The following CD2AP variants were observed in gnomAD, a reference collection of about 807,000 sequenced individuals.
CD2AP encodes CD2 associated protein.
In CD2AP, 46 loss-of-function variants were observed where a neutral mutation model predicts 85.1. That is an observed-to-expected ratio of 0.54 (90% CI 0.43 to 0.69). The LOEUF (loss-of-function observed/expected upper bound fraction) is 0.69. Ranked by LOEUF, CD2AP falls within the 30% of genes least tolerant of loss-of-function variation. The pLI is 0.00. For synonymous variants in CD2AP, 255 were observed against 252.9 expected (o/e 1.01, Z -0.08); for missense variants, 769 against 729.5 (o/e 1.05, Z -0.62).
intron 5 of CD2AP, among the ~76,000 whole-genome samples, chr6:47,564,054 C>T (rs1166042407): frequency 2.0e-5 from 3 of 152,106 alleles, no homozygotes; most frequent in African/African-American, 7.2e-5. Context: ...ACTAGATGTA[C>T]TTTCACTATT....
intron 1 of CD2AP, 116 bp from the exon 2 acceptor site, chr6:47,503,164 C>A: frequency 1.0e-6 from 1 of 995,206 alleles, no homozygotes; most frequent in Admixed American, 2.1e-5. Context: ...TTGCTGATGT[C>A]TTTGTGGTAT....
chr6:47,610,971 A>ATATATATATATATATTTTTTT, intron 16 of CD2AP, among the ~76,000 whole-genome samples: 29 of 112,864 alleles, frequency 2.6e-4, no homozygotes, highest in African/African-American at 9.3e-4. Context: ...ATATATATGT[A>ATATATATATATATATTTTTTT]TTTTTTTTTT....
At chr6:47,610,971 A>ATATATTTTT in intron 16 of CD2AP, among the ~76,000 whole-genome samples, 4 of 112,908 alleles carry the variant, frequency 3.5e-5, no homozygotes, top group African/African-American at 1.4e-4. Flanking sequence ...ATATATATGT[A>ATATATTTTT]TTTTTTTTTT....
intron 1 of CD2AP, among the ~76,000 whole-genome samples, chr6:47,500,867 C>T (rs1186697062): frequency 1.3e-5 from 2 of 152,038 alleles, no homozygotes; most frequent in African/African-American, 4.8e-5. Context: ...CCTGCCTCAG[C>T]CTCCTGAGTA....
Position 47,595,888 on chromosome 6 carries a change from CT to C in CD2AP, c.1138del (p.Ser380LeufsTer23). On this transcript the variant is annotated frameshift_variant, in exon 12 of 18. Transcript: ENST00000359314. LOFTEE classifies it high-confidence loss of function. ...KDEKSTLEQK[P>X]SKPAAPQVPP... is the part of the protein sequence containing the mutation. ...GAAAAATCAACACTGGAACAGAAAC[CT>C]TCTAAACCAGCAGCTCCACAAGTCC... is the stretch of plus-strand genomic sequence containing the variant. 6.2e-7 allele frequency: 1 copy of C among 1,612,480 alleles called. No homozygotes were observed. The highest frequency in any genetic ancestry group is 1.1e-5 in the South Asian group (1 of 90,994).
intron 16 of CD2AP, among the ~76,000 whole-genome samples, chr6:47,611,477 T>C (rs1051877978): frequency 6.6e-6 from 1 of 151,928 alleles, no homozygotes; most frequent in African/African-American, 2.4e-5. Flanking sequence ...AGGTTTTCGC[T>C]TTACTCTTAT....
At chr6:47,583,858 T>C (rs975946516) in intron 11 of CD2AP, among the ~76,000 whole-genome samples, 7 of 152,242 alleles carry the variant, frequency 4.6e-5, no homozygotes, top group Admixed American at 6.5e-5. Flanking sequence ...CCAATGTGGC[T>C]GAACCATTTT....
At chr6:47,575,944 AT>A (rs2114098719) in intron 6 of CD2AP, among the ~76,000 whole-genome samples, 1 of 152,250 alleles carries the variant, frequency 6.6e-6, no homozygotes, top group South Asian at 2.1e-4. Context: ...ACAAATTTGT[AT>A]TATTGTTTGA....
intron 1 of CD2AP, among the ~76,000 whole-genome samples, chr6:47,481,166 T>C (rs1285487372): frequency 6.6e-6 from 1 of 152,202 alleles, no homozygotes; most frequent in Non-Finnish European, 1.5e-5. Context: ...TGGCACAAAG[T>C]GTCAGAGCAT....
At chr6:47,575,010 G>T (rs140527269) in intron 6 of CD2AP, among the ~76,000 whole-genome samples, 24 of 152,160 alleles carry the variant, frequency 1.6e-4, no homozygotes, top group Non-Finnish European at 3.2e-4. Flanking sequence ...TGGTTATTGA[G>T]ATACTATTAA....
At chr6:47,561,024 T>A (rs1032175337) in intron 5 of CD2AP, among the ~76,000 whole-genome samples, 5 of 152,210 alleles carry the variant, frequency 3.3e-5, no homozygotes, top group Admixed American at 2.0e-4. Context: ...GGTTCTGTTT[T>A]ATTCATCAGG....
rs139820758 is a variant in CD2AP at position 47,569,922 on chromosome 6, C to T, written c.542-4142C>T. Reference sequence around the variant, plus strand: ...AGTTTTGATGCCCTTACTGGTAGTACGTTGTGGATCTTTCTAAGTTATTGC... The same window carrying T: ...AGTTTTGATGCCCTTACTGGTAGTATGTTGTGGATCTTTCTAAGTTATTGC... On this transcript the variant is annotated intron_variant, in intron 5 of 17. Transcript: ENST00000359314. 2.9e-3 allele frequency among the ~76,000 whole-genome samples: 439 copies of T among 152,232 alleles called. 3 individuals are homozygous for T. The highest frequency in any genetic ancestry group is 0.01 in the African/African-American group (423 of 41,542).
intron 6 of CD2AP, among the ~76,000 whole-genome samples, 158 bp downstream of exon 6, chr6:47,574,409 A>G (rs1372951399): frequency 6.6e-6 from 1 of 152,068 alleles, no homozygotes; most frequent in East Asian, 1.9e-4. Context: ...TTGTCTCCAA[A>G]TTTACAATGA....
At chr6:47,556,178 G>A (rs536192392) in intron 5 of CD2AP, among the ~76,000 whole-genome samples, 23 of 150,970 alleles carry the variant, frequency 1.5e-4, no homozygotes, top group South Asian at 1.3e-3. Context: ...TCTACATTAG[G>A]TATTTCTCCT....
chr6:47,490,539 GT>G (rs1254788193), intron 1 of CD2AP, among the ~76,000 whole-genome samples: 1 of 151,984 alleles, frequency 6.6e-6, no homozygotes, highest in Non-Finnish European at 1.5e-5. Flanking sequence ...ATTTTTGTAT[GT>G]TTTTTGTTTT....
At chr6:47,529,428 C>A (rs1351377965) in intron 2 of CD2AP, among the ~76,000 whole-genome samples, 1 of 152,112 alleles carries the variant, frequency 6.6e-6, no homozygotes, top group Non-Finnish European at 1.5e-5. Flanking sequence ...GTATCTACAT[C>A]ATTCCCAGTC....
chr6:47,562,453 C>A (rs1452670527), intron 5 of CD2AP, among the ~76,000 whole-genome samples: 1 of 152,074 alleles, frequency 6.6e-6, no homozygotes, highest in South Asian at 2.1e-4. Flanking sequence ...TGGTATAATA[C>A]CAGACTTTTG....
chr6:47,604,600 A>G (rs147537923), intron 13 of CD2AP, among the ~76,000 whole-genome samples: 104 of 152,188 alleles, frequency 6.8e-4, no homozygotes, highest in African/African-American at 2.5e-3. Flanking sequence ...TTGTTAATGC[A>G]CACATCAGTG....
intron 2 of CD2AP, among the ~76,000 whole-genome samples, chr6:47,513,897 G>GC (rs898988704): frequency 4.7e-5 from 7 of 148,180 alleles, no homozygotes; most frequent in Admixed American, 2.0e-4. Context: ...TTTTTTGGGG[G>GC]GGGGGCTAGC....
Sources: allele counts gnomAD v4.1 joint callset (sites outside exome capture counted in the v4.1 genomes callset), GRCh38; gene constraint gnomAD v4.1.1; transcripts MANE v1.5; gene names NCBI Gene and HGNC (gene_info 2026-07-23, HGNC 2026-07-21).